RALGPS2: variants seen among roughly 807,000 people sequenced by gnomAD.
The protein encoded by RALGPS2 is Ral GEF with PH domain and SH3 binding motif 2.
RALGPS2 carries 43 observed loss-of-function variants against 86.8 expected under a neutral mutation model. That is an observed-to-expected ratio of 0.50 (90% CI 0.39 to 0.64). RALGPS2 has a LOEUF of 0.64. RALGPS2 is among the 30% of genes least tolerant of loss of function. RALGPS2 has a pLI of 0.00. For synonymous variants in RALGPS2, 243 were observed against 231.3 expected, an observed-to-expected ratio of 1.05 and a Z score of -0.46; for missense variants, 536 against 694.6, an observed-to-expected ratio of 0.77 and a Z score of 2.57.
chr1:178,829,451 G>A (rs1655909931), intron 7 of RALGPS2, among the ~76,000 whole-genome samples: 1 of 152,192 alleles, frequency 6.6e-6, no homozygotes, highest in Non-Finnish European at 1.5e-5. Context: ...ATAGGTACAT[G>A]AACCCTATTG....
Position 178,758,408 on chromosome 1 carries a change from A to G in RALGPS2, c.-83-18274A>G, listed in dbSNP as rs554487377. On this transcript the variant is annotated intron_variant, in intron 1 of 19. Transcript: ENST00000367635. ...CCTTTGTTACAAGCAATCCAATTAT[A>G]CTCTTTTAGTTATTTTAAAATGTAC... Among the ~76,000 whole-genome samples the G allele has an allele frequency of 4.6e-5, 7 of 151,986 alleles. No homozygotes were observed. The South Asian group carries it at 1.5e-3, about 32-fold the overall frequency.
intron 8 of RALGPS2, chr1:178,869,030 A>G (rs529278187): frequency 9.2e-5 from 14 of 152,186 alleles, no homozygotes; most frequent in Non-Finnish European, 1.6e-4. Context: ...CCATAAATCT[A>G]TGTTACCTCA....
At chr1:178,838,015 A>G (rs1038265963) in intron 8 of RALGPS2, among the ~76,000 whole-genome samples, 1 of 152,152 alleles carries the variant, frequency 6.6e-6, no homozygotes, top group Admixed American at 6.5e-5. Flanking sequence ...TTGAGTAGGT[A>G]AACAAAGCGG....
chr1:178,823,396 TGGG>T (rs967138301), intron 7 of RALGPS2, among the ~76,000 whole-genome samples: 24 of 152,196 alleles, frequency 1.6e-4, no homozygotes, highest in African/African-American at 5.8e-4. Context: ...AACATTCTGC[TGGG>T]GAAGAATAAA....
intron 7 of RALGPS2, among the ~76,000 whole-genome samples, chr1:178,827,517 C>T (rs1194716988): frequency 4.0e-5 from 6 of 150,734 alleles, no homozygotes; most frequent in African/African-American, 1.5e-4. Context: ...GCCTCAGCCT[C>T]CCAAGTAGCT....
intron 8 of RALGPS2, among the ~76,000 whole-genome samples, chr1:178,835,020 C>T (rs775531649): frequency 8.5e-5 from 13 of 152,166 alleles, no homozygotes; most frequent in East Asian, 1.9e-4. Context: ...TCAAGTGATC[C>T]GCCCATCTCA....
At chr1:178,761,641 A>G (rs1436385350) in intron 1 of RALGPS2, among the ~76,000 whole-genome samples, 1 of 150,410 alleles carries the variant, frequency 6.6e-6, no homozygotes, top group African/African-American at 2.4e-5. Flanking sequence ...GCTCACTGCA[A>G]CCTCCGCCTT....
At chr1:178,826,304 C>CT (rs1293337420) in intron 7 of RALGPS2, among the ~76,000 whole-genome samples, 2 of 152,144 alleles carry the variant, frequency 1.3e-5, no homozygotes, top group African/African-American at 4.8e-5. Context: ...ACCCAAACAT[C>CT]TAACAGTGGA....
At chr1:178,818,347 G>A (rs903022674) in intron 6 of RALGPS2, among the ~76,000 whole-genome samples, 3 of 152,146 alleles carry the variant, frequency 2.0e-5, no homozygotes, top group Non-Finnish European at 4.4e-5. Flanking sequence ...GTAACAGAGC[G>A]AGACCACGTC....
intron 8 of RALGPS2, among the ~76,000 whole-genome samples, chr1:178,873,834 T>C (rs1228389832): frequency 2.6e-5 from 4 of 152,186 alleles, no homozygotes; most frequent in African/African-American, 7.2e-5. Context: ...CAGAAGACCA[T>C]ATTTTTAAAT....
At chr1:178,744,837 A>G (rs1239101702) in intron 1 of RALGPS2, among the ~76,000 whole-genome samples, 3 of 148,628 alleles carry the variant, frequency 2.0e-5, no homozygotes, top group South Asian at 2.1e-4. Flanking sequence ...AAAAAAAAAA[A>G]GAAAGGAAAA....
At chr1:178,796,703 T>G (rs911493192) in intron 4 of RALGPS2, among the ~76,000 whole-genome samples, 2 of 152,196 alleles carry the variant, frequency 1.3e-5, no homozygotes, top group African/African-American at 4.8e-5. Flanking sequence ...AAGAATTTCT[T>G]TGCAGAACAA....
chr1:178,914,537 C>T (rs1020535148), intron 19 of RALGPS2, among the ~76,000 whole-genome samples: 1 of 152,030 alleles, frequency 6.6e-6, no homozygotes, highest in African/African-American at 2.4e-5. Flanking sequence ...CTCAGAAAAT[C>T]GGTGATTTTC....
At chr1:178,746,498 C>T (rs1651340543) in intron 1 of RALGPS2, among the ~76,000 whole-genome samples, 1 of 152,130 alleles carries the variant, frequency 6.6e-6, no homozygotes, top group Non-Finnish European at 1.5e-5. Context: ...AAAGGTTCTG[C>T]AAGGTCTTAG....
chr1:178,873,140 GA>G (rs1378767307), intron 8 of RALGPS2, among the ~76,000 whole-genome samples: 1 of 152,132 alleles, frequency 6.6e-6, no homozygotes, highest in African/African-American at 2.4e-5. Flanking sequence ...GGGAGACCAA[GA>G]GAGATGTTTT....
At chr1:178,736,539 C>A (rs776894561) in intron 1 of RALGPS2, among the ~76,000 whole-genome samples, 2 of 152,168 alleles carry the variant, frequency 1.3e-5, no homozygotes, top group African/African-American at 2.4e-5. Context: ...CTCCAATTTT[C>A]TCTTCACATC....
intron 1 of RALGPS2, among the ~76,000 whole-genome samples, chr1:178,747,992 C>G (rs7537723): frequency 0.043 from 6,513 of 152,274 alleles, 489 homozygotes; most frequent in African/African-American, 0.15. Context: ...AACAGTACAA[C>G]TACTTTAGGA....
At chr1:178,780,511 CCTA>C (rs1383473150) in intron 2 of RALGPS2, among the ~76,000 whole-genome samples, 1 of 152,076 alleles carries the variant, frequency 6.6e-6, no homozygotes, top group Non-Finnish European at 1.5e-5. Flanking sequence ...TTCCTCATTG[CCTA>C]CTAATTAAAT....
intron 8 of RALGPS2, chr1:178,865,037 C>T (rs762689640): frequency 6.7e-7 from 1 of 1,492,012 alleles, no homozygotes; most frequent in South Asian, 1.5e-5. Context: ...CATTAAATCT[C>T]TGGGATAACC....
Sources: allele counts gnomAD v4.1 joint callset (sites outside exome capture counted in the v4.1 genomes callset), GRCh38; gene constraint gnomAD v4.1.1; transcripts MANE v1.5; gene names NCBI Gene and HGNC (gene_info 2026-07-23, HGNC 2026-07-21).